XKR9: variants seen among roughly 807,000 people sequenced by gnomAD.
XKR9 encodes the protein XK-related protein 9.
Under a neutral mutation model 32.0 loss-of-function variants are expected in XKR9, and 32 were observed. The ratio of observed to expected loss-of-function variants is 1.00; its 90% CI spans 0.76 to 1.34. The LOEUF (loss-of-function observed/expected upper bound fraction) is 1.34. Among genes scored for constraint, XKR9 ranks in the 40% most tolerant of loss-of-function variants. The pLI, the probability that XKR9 is intolerant of heterozygous loss-of-function variation, is 0.00. For synonymous variants in XKR9, 168 were observed against 143.4 expected (o/e 1.17, Z -1.22); for missense variants, 546 against 429.7 (o/e 1.27, Z -2.39).
At chr8:71,012,836 C>A in the XKR9 span, among the ~76,000 whole-genome samples, 4 of 152,118 alleles carry the variant, frequency 2.6e-5, no homozygotes, top group Admixed American at 6.5e-5. Flanking sequence ...CTGTACTGAG[C>A]TATCCAAGTA....
chr8:70,845,256 A>T, the XKR9 span, among the ~76,000 whole-genome samples: 1 of 152,188 alleles, frequency 6.6e-6, no homozygotes, highest in East Asian at 1.9e-4. Flanking sequence ...GTCCTACCCA[A>T]CCAACACTAT....
the XKR9 span, among the ~76,000 whole-genome samples, chr8:70,984,106 A>G: frequency 6.6e-6 from 1 of 152,210 alleles, no homozygotes; most frequent in African/African-American, 2.4e-5. Flanking sequence ...CTCAGTCACT[A>G]TGGGGGTGTC....
At chr8:70,891,084 G>A in the XKR9 span, among the ~76,000 whole-genome samples, 13 of 151,920 alleles carry the variant, frequency 8.6e-5, no homozygotes, top group Non-Finnish European at 1.6e-4. Context: ...TTGGCATATA[G>A]TTATCTGGAA....
intron 2 of XKR9, among the ~76,000 whole-genome samples, chr8:70,767,584 C>T (rs796264550): frequency 9.6e-5 from 14 of 146,352 alleles, no homozygotes; most frequent in African/African-American, 3.5e-4. Context: ...GCAAGCTCTG[C>T]CTCCTGGGTT....
chr8:70,736,056 T>G (rs960132005), downstream of XKR9: 14 of 152,226 alleles, frequency 9.2e-5, no homozygotes, highest in African/African-American at 3.4e-4. Context: ...TCCACAATAG[T>G]TGAACGAGTT....
At chr8:70,699,485 T>G (rs1805430171) in intron 3 of XKR9, among the ~76,000 whole-genome samples, 2 of 152,160 alleles carry the variant, frequency 1.3e-5, no homozygotes. Flanking sequence ...GAAAATTCTT[T>G]TCTTTCAGAA....
chr8:70,777,596 C>G (rs1171812056), intron 2 of XKR9, among the ~76,000 whole-genome samples: 1 of 152,202 alleles, frequency 6.6e-6, no homozygotes, highest in Non-Finnish European at 1.5e-5. Flanking sequence ...ATTCCTATTT[C>G]TCCACCTCCT....
intron 2 of XKR9, among the ~76,000 whole-genome samples, chr8:70,675,445 A>G (rs1818852923): frequency 6.6e-6 from 1 of 152,172 alleles, no homozygotes; most frequent in African/African-American, 2.4e-5. Context: ...CCTCTTCTGA[A>G]GAAGCTTTTT....
chr8:70,696,065 G>A (rs1278362244), intron 3 of XKR9, among the ~76,000 whole-genome samples: 3 of 150,056 alleles, frequency 2.0e-5, no homozygotes, highest in African/African-American at 4.9e-5. Flanking sequence ...TGAGTTCATT[G>A]TAGATTCTGG....
chr8:70,908,849 G>A, the XKR9 span, among the ~76,000 whole-genome samples: 1 of 152,078 alleles, frequency 6.6e-6, no homozygotes, highest in African/African-American at 2.4e-5. Flanking sequence ...TAGTCCATGG[G>A]CCATAGTTTG....
the XKR9 span, among the ~76,000 whole-genome samples, chr8:70,890,756 TTTG>T: frequency 6.6e-6 from 1 of 151,926 alleles, no homozygotes; most frequent in Non-Finnish European, 1.5e-5. Context: ...TGTCCTATAG[TTTG>T]TTGTTGTTGT....
At chr8:70,692,003 C>A (rs1805086293) in intron 3 of XKR9, among the ~76,000 whole-genome samples, 1 of 150,610 alleles carries the variant, frequency 6.6e-6, no homozygotes, top group African/African-American at 2.4e-5. Flanking sequence ...TTGTTTTGGG[C>A]AGTATAGCCA....
downstream of XKR9, among the ~76,000 whole-genome samples, chr8:70,790,579 C>T (rs1371411187): frequency 6.6e-6 from 1 of 152,016 alleles, no homozygotes; most frequent in Admixed American, 6.6e-5. Context: ...GTTCCAATGT[C>T]CAGCACCTTG....
chr8:70,939,863 C>A, the XKR9 span, among the ~76,000 whole-genome samples: 1 of 151,968 alleles, frequency 6.6e-6, no homozygotes, highest in Admixed American at 6.6e-5. Context: ...TTTTTTTGGT[C>A]ACTTGCTGTA....
the XKR9 span, among the ~76,000 whole-genome samples, chr8:71,036,889 A>G: frequency 1.5e-4 from 14 of 92,322 alleles, no homozygotes; most frequent in Non-Finnish European, 2.1e-4. Context: ...TTTTTTTTTA[A>G]GTAGAGACAG....
intron 2 of XKR9, among the ~76,000 whole-genome samples, chr8:70,752,681 T>C (rs535030327): frequency 1.7e-4 from 26 of 152,154 alleles, no homozygotes; most frequent in Non-Finnish European, 3.4e-4. Context: ...TTTATCAGTT[T>C]TTTTCTTGTG....
the XKR9 span, among the ~76,000 whole-genome samples, chr8:70,828,443 G>T: frequency 6.6e-6 from 1 of 152,092 alleles, no homozygotes; most frequent in Non-Finnish European, 1.5e-5. Context: ...GTATAAGAAA[G>T]ACTGGTGGGG....
chr8:70,688,122 TG>T (rs1300114344), intron 3 of XKR9, among the ~76,000 whole-genome samples: 2 of 152,242 alleles, frequency 1.3e-5, no homozygotes, highest in African/African-American at 4.8e-5. Flanking sequence ...TGCCCTACCA[TG>T]GCACATGATC....
the XKR9 span, among the ~76,000 whole-genome samples, chr8:70,911,365 A>G: frequency 6.6e-6 from 1 of 152,180 alleles, no homozygotes; most frequent in Non-Finnish European, 1.5e-5. Flanking sequence ...AACAAACCTC[A>G]TATATGTAAG....
Sources: allele counts gnomAD v4.1 joint callset (sites outside exome capture counted in the v4.1 genomes callset), GRCh38; gene constraint gnomAD v4.1.1; transcripts MANE v1.5; gene names NCBI Gene and HGNC (gene_info 2026-07-23, HGNC 2026-07-21).